Variants in INTS2 observed in about 807,000 individuals in gnomAD.
The protein encoded by INTS2 is KIAA1287.
INTS2 carries 57 observed loss-of-function variants against 139.6 expected under a neutral mutation model. The observed-to-expected ratio is 0.41, with a 90% CI of 0.33 to 0.51. The LOEUF is 0.51. INTS2 is among the 20% of genes least tolerant of loss of function. The pLI is 0.28. For synonymous variants in INTS2, 473 were observed against 493.4 expected (o/e 0.96, Z 0.55); for missense variants, 1,196 against 1,436.7 (o/e 0.83, Z 2.71).
chr17:61,901,185 G>C (rs1281174009), intron 9 of INTS2, among the ~76,000 whole-genome samples: 1 of 152,006 alleles, frequency 6.6e-6, no homozygotes, highest in Non-Finnish European at 1.5e-5. Flanking sequence ...GGAAGGATCT[G>C]TTGACCCCAG....
chr17:61,925,111 C>G lies in INTS2; in HGVS notation c.294-12G>C. 1 of 1,609,772 alleles carries G rather than the reference C, an allele frequency of 6.2e-7. No individual in the cohort carries two copies. The highest frequency in any genetic ancestry group is 8.5e-7 in the Non-Finnish European group (1 of 1,176,832). ...CTCCAAGTTTATGCCTAATGAAGTA[C>G]AAAACATGTAACAATTATGAAAACA... On this transcript the variant is annotated splice_polypyrimidine_tract_variant and intron_variant, in intron 2 of 24. Coordinates refer to ENST00000251334, the MANE Select transcript of INTS2 (RefSeq NM_001351695.2).
intron 5 of INTS2, among the ~76,000 whole-genome samples, chr17:61,912,480 G>A (rs1195109340): frequency 2.0e-5 from 3 of 151,694 alleles, no homozygotes; most frequent in African/African-American, 7.3e-5. Flanking sequence ...AAAATTAGCT[G>A]GGCGTGGTGG....
At chr17:61,900,632 T>G (rs947101888) in intron 9 of INTS2, among the ~76,000 whole-genome samples, 3 of 152,008 alleles carry the variant, frequency 2.0e-5, no homozygotes, top group African/African-American at 7.3e-5. Context: ...GCATTAGAGG[T>G]TCTAATATGC....
At chr17:61,874,184 T>G (rs2079109978) in intron 19 of INTS2, 1 of 152,170 alleles carries the variant, frequency 6.6e-6, no homozygotes, top group Non-Finnish European at 1.5e-5. Context: ...GAACCAGCCC[T>G]AACTCCACTC....
Position 61,924,952 on chromosome 17 carries a change from G to T in INTS2, c.432+9C>A, listed in dbSNP as rs2079693717. On this transcript the variant is annotated intron_variant, in intron 3 of 24. Transcript: ENST00000251334. ...TGCATACTTTGAGCTGTGGTTAAAAGAAATGCACCTTGTTCATAATTGCCA... is the reference window on the plus strand; with the variant it reads ...TGCATACTTTGAGCTGTGGTTAAAATAAATGCACCTTGTTCATAATTGCCA... The T allele has an allele frequency of 6.2e-7, 1 of 1,609,950 alleles. No homozygotes were observed. The highest frequency in any genetic ancestry group is 8.5e-7 in the Non-Finnish European group (1 of 1,177,950).
intron 3 of INTS2, among the ~76,000 whole-genome samples, chr17:61,923,905 G>A (rs1043440535): frequency 3.3e-5 from 5 of 151,972 alleles, no homozygotes; most frequent in Admixed American, 1.3e-4. Flanking sequence ...CGCCCACCTC[G>A]GCCTCCCAAA....
rs777866272 is a variant in INTS2, at chr17:61,911,604, C to G, written c.870G>C (p.Leu290Phe). 7 of 1,613,932 alleles carry G rather than the reference C, an allele frequency of 4.3e-6. No individual in the cohort carries two copies. In the South Asian group the frequency reaches 7.7e-5, roughly 18 times the overall value. ...NEACEDGVSD[L>F]VCFVSGLLLG... ...GAAGCAAACCACTTACAAAACAAAC[C>G]AAGTCACTCACTCCATCCTCACAAG... Residue 290 changes from leucine to phenylalanine, a missense_variant, in exon 7 of 25, where the codon TTG (leucine) becomes TTC (phenylalanine). Physicochemically the swap from Leu to Phe is conservative, Grantham distance 22. Transcript: ENST00000251334.
chr17:61,920,155 G>A (rs1209850602), intron 4 of INTS2, among the ~76,000 whole-genome samples: 1 of 142,476 alleles, frequency 7.0e-6, no homozygotes, highest in Non-Finnish European at 1.5e-5. Context: ...GGTCTAAAGA[G>A]TTATTTTCAC....
chr17:61,924,468 T>C (rs559419236), intron 3 of INTS2, among the ~76,000 whole-genome samples: 85 of 152,302 alleles, frequency 5.6e-4, no homozygotes, highest in African/African-American at 2.0e-3. Context: ...AGAAGGACTT[T>C]AAGGCAGACT....
At chr17:61,881,936 G>A (rs2079182042) in intron 16 of INTS2, among the ~76,000 whole-genome samples, 1 of 152,214 alleles carries the variant, frequency 6.6e-6, no homozygotes, top group Admixed American at 6.5e-5. Context: ...GTTCAGGGTA[G>A]AGGAAAGAAA....
chr17:61,923,567 C>A (rs1286899506), intron 3 of INTS2, among the ~76,000 whole-genome samples: 1 of 150,246 alleles, frequency 6.7e-6, no homozygotes, highest in African/African-American at 2.4e-5. Flanking sequence ...TTAGTCCTTT[C>A]TCTTTTTGTC....
chr17:61,916,634 A>G (rs1244404139), intron 5 of INTS2, among the ~76,000 whole-genome samples: 1 of 152,218 alleles, frequency 6.6e-6, no homozygotes, highest in Non-Finnish European at 1.5e-5. Context: ...CTTTTATCAT[A>G]TACAAAAATT....
chr17:61,899,944 G>A (rs2079388082), intron 9 of INTS2, among the ~76,000 whole-genome samples: 1 of 151,188 alleles, frequency 6.6e-6, no homozygotes, highest in Admixed American at 6.6e-5. Context: ...TAAGAGTAAT[G>A]AGGATTTGAG....
At chr17:61,889,996 G>T in intron 14 of INTS2, 102 bp from the exon 15 acceptor site, 1 of 697,756 alleles carries the variant, frequency 1.4e-6, no homozygotes, top group Non-Finnish European at 2.5e-6. Context: ...CAGCATTGCT[G>T]CTCCTAACTC....
intron 8 of INTS2, 108 bp from the exon 9 acceptor site, chr17:61,904,693 G>A: frequency 2.2e-6 from 2 of 916,872 alleles, no homozygotes; most frequent in Non-Finnish European, 1.6e-6. Flanking sequence ...ATGGTATCTT[G>A]CTATTTATAA....
Position 61,909,823 on chromosome 17 carries a change from ATGTGTGTG to A in INTS2, c.954+1689_954+1696del, listed in dbSNP as rs78460850. ...TATACGTGTGTGTGTACATGTGTGT[ATGTGTGTG>A]TGTGTGTGTGTGTGTGTGTGTGTGT... On this transcript the variant is annotated intron_variant, in intron 7 of 24. Transcript: ENST00000251334. The surrounding 1 kb of genome is among the most constrained non-coding windows in gnomAD (Gnocchi z 4.9). Among the ~76,000 whole-genome samples the A allele has an allele frequency of 0.25, 34,360 of 138,618 alleles. 4,184 individuals are homozygous for A. Among genetic ancestry groups the A allele is most frequent in the Admixed American group, 0.34 (4,727 of 13,940 alleles). 90.9% of individuals were successfully genotyped at this position (138,618 alleles called of 152,430 possible). A position where few individuals can be genotyped will look rare whatever the true frequency, so the allele number is the denominator to read the frequency against.
chr17:61,872,454 G>A lies in INTS2; in HGVS notation c.2589C>T (p.Pro863=). Residue 863 remains proline, a synonymous_variant, in exon 20 of 25, where the codon CCC becomes CCT. Transcript: ENST00000251334. The surrounding 1 kb of genome is among the most constrained non-coding windows in gnomAD (Gnocchi z 4.8). ...TGTGTAGGGTAATATCCATCAGTGG[G>A]GGGCATCTAAACAAGGAAAGCAGAA... is the stretch of plus-strand genomic sequence containing the variant. The part of the protein sequence containing the change: ...LRCDQRVHRC[P]PLMDITLHML... 1 of 1,562,564 alleles carries A rather than the reference G, an allele frequency of 6.4e-7. No individual in the cohort carries two copies. Among genetic ancestry groups the A allele is most frequent in the Non-Finnish European group, 8.7e-7 (1 of 1,147,486 alleles).
In INTS2 at chr17:61,872,558, C is replaced by T; in HGVS notation, c.2583-98G>A. On this transcript the variant is annotated intron_variant, in intron 19 of 24. Transcript: ENST00000251334. This position sits in a 1 kb window ranked among gnomAD's most constrained non-coding sequence, Gnocchi z 4.8. ...AATTTAGTTTAAATGCTGAGAAAAACCTGAGTAGTACATACTAACTTTTCC... is the reference window on the plus strand; with the variant it reads ...AATTTAGTTTAAATGCTGAGAAAAATCTGAGTAGTACATACTAACTTTTCC... The T allele has an allele frequency of 2.7e-6, 2 of 738,316 alleles. No individual in the cohort carries two copies. The highest frequency in any genetic ancestry group is 5.8e-5 in the Admixed American group (2 of 34,746). 45.7% of individuals were successfully genotyped at this position (738,316 alleles called of 1,614,324 possible). A position where few individuals can be genotyped will look rare whatever the true frequency, so the allele number is the denominator to read the frequency against.
intron 18 of INTS2, among the ~76,000 whole-genome samples, chr17:61,877,226 C>T (rs182712300): frequency 6.6e-6 from 1 of 151,910 alleles, no homozygotes; most frequent in East Asian, 1.9e-4. Context: ...ATATAAATAC[C>T]AGAATAAAAA....
Sources: allele counts gnomAD v4.1 joint callset (sites outside exome capture counted in the v4.1 genomes callset), GRCh38; gene constraint gnomAD v4.1.1; non-coding constraint Gnocchi (gnomAD v3.1); transcripts MANE v1.5; gene names NCBI Gene and HGNC (gene_info 2026-07-23, HGNC 2026-07-21).